The following PRDM5 variants were observed in gnomAD, a reference collection of about 807,000 sequenced individuals.
PRDM5 encodes the protein PR/SET domain 5, also known as PR domain zinc finger protein 5.
Under a neutral mutation model 81.2 loss-of-function variants are expected in PRDM5, and 56 were observed. The ratio of observed to expected loss-of-function variants is 0.69; its 90% confidence interval spans 0.56 to 0.86. The LOEUF (loss-of-function observed/expected upper bound fraction) is 0.86, where lower values mean the gene tolerates loss of function less well. PRDM5 is among the 40% of genes least tolerant of loss of function. The pLI, the probability that PRDM5 is intolerant of heterozygous loss-of-function variation, is 0.00. For synonymous variants in PRDM5, 267 were observed against 256.4 expected (o/e 1.04, Z -0.39); for missense variants, 697 against 770.1 (o/e 0.91, Z 1.12).
At chr4:120,797,684 T>C (rs998060965) in intron 10 of PRDM5, among the ~76,000 whole-genome samples, 10 of 152,188 alleles carry the variant, frequency 6.6e-5, no homozygotes, top group African/African-American at 2.4e-4. Flanking sequence ...GAATTCATTA[T>C]GTCGAAAAGA....
In PRDM5 at chr4:120,853,461, T is replaced by G. The variant is rs749189168; in HGVS notation, c.257A>C (p.His86Pro). 6 of 1,613,752 alleles carry G rather than the reference T, an allele frequency of 3.7e-6. No homozygotes were observed. The highest frequency in any genetic ancestry group is 2.2e-5 in the East Asian group (1 of 44,860). Residue 86 changes from histidine to proline, a missense_variant, in exon 3 of 16, where the codon CAT becomes CCT. By Grantham distance (77) the His-to-Pro change is moderately conservative. Transcript: ENST00000264808. ...PRHSNWLRFV[H>P]EAPSQEQKNL... is the part of the protein sequence containing the mutation. ...CTTCTGCTCCTGAGATGGTGCCTCATGAACGAAGCGAAGCCAGTTGGAGTG... is the reference window on the plus strand; with the variant it reads ...CTTCTGCTCCTGAGATGGTGCCTCAGGAACGAAGCGAAGCCAGTTGGAGTG...
At chr4:120,726,834 G>A (rs1392540682) in intron 14 of PRDM5, among the ~76,000 whole-genome samples, 4 of 152,170 alleles carry the variant, frequency 2.6e-5, no homozygotes, top group Non-Finnish European at 5.9e-5. Context: ...AGTATTGCAA[G>A]AAAAGGAACA....
intron 2 of PRDM5, among the ~76,000 whole-genome samples, chr4:120,899,541 G>A (rs1765017454): frequency 6.6e-6 from 1 of 152,106 alleles, no homozygotes; most frequent in South Asian, 2.1e-4. Flanking sequence ...ATGCTGTAGG[G>A]ATAGGAAAAC....
At chr4:120,803,822 CA>C (rs1375050910) in intron 8 of PRDM5, among the ~76,000 whole-genome samples, 1 of 152,184 alleles carries the variant, frequency 6.6e-6, no homozygotes, top group Non-Finnish European at 1.5e-5. Context: ...AAGCTAACAT[CA>C]TAATGATAGG....
chr4:120,715,797 G>C (rs1024905125), intron 14 of PRDM5, among the ~76,000 whole-genome samples: 3 of 152,198 alleles, frequency 2.0e-5, no homozygotes, highest in African/African-American at 7.2e-5. Context: ...TGACAGGTGA[G>C]GGTTTTGCAG....
chr4:120,690,946 T>C (rs1240372764), downstream of PRDM5, among the ~76,000 whole-genome samples: 1 of 152,140 alleles, frequency 6.6e-6, no homozygotes, highest in Non-Finnish European at 1.5e-5. Flanking sequence ...TAAGGTGGCA[T>C]GGGTTCAAGG....
chr4:120,863,475 T>C (rs1324822797), intron 2 of PRDM5, among the ~76,000 whole-genome samples: 2 of 152,116 alleles, frequency 1.3e-5, no homozygotes, highest in African/African-American at 4.8e-5. Context: ...GTGAACTTAG[T>C]TCCATGTGCT....
chr4:120,780,476 T>G (rs1028660852), intron 12 of PRDM5, among the ~76,000 whole-genome samples: 4 of 152,126 alleles, frequency 2.6e-5, no homozygotes, highest in African/African-American at 9.7e-5. Context: ...ATTAAAACCT[T>G]TAAGTGTATT....
intron 14 of PRDM5, among the ~76,000 whole-genome samples, chr4:120,734,724 T>C (rs1411786599): frequency 6.6e-6 from 1 of 152,052 alleles, no homozygotes; most frequent in Non-Finnish European, 1.5e-5. Context: ...GCTTAGCCAC[T>C]TTTTTTTCCA....
intron 14 of PRDM5, among the ~76,000 whole-genome samples, chr4:120,750,707 C>T (rs1743861496): frequency 6.7e-6 from 1 of 149,572 alleles, no homozygotes; most frequent in South Asian, 2.1e-4. Flanking sequence ...CACACACACA[C>T]ACACACACAC....
intron 2 of PRDM5, among the ~76,000 whole-genome samples, chr4:120,883,136 T>G (rs554757248): frequency 2.0e-4 from 30 of 152,314 alleles, no homozygotes; most frequent in African/African-American, 7.0e-4. Context: ...CATGAAAAGT[T>G]TAAATGCAAG....
At position 120,853,530 on chromosome 4, in the gene PRDM5, C is replaced by T; in HGVS notation, c.188G>A (p.Ser63Asn). Residue 63 changes from serine (S) to asparagine (N), a missense_variant, in exon 3 of 16, where the codon AGT becomes AAT. Physicochemically the swap from Ser to Asn is conservative, Grantham distance 46. Around this residue, in one of 3 missense-constraint regions of PRDM5, gnomAD observed 577 missense variants for 606.7 expected, o/e 0.95. Coordinates refer to ENST00000264808, the MANE Select transcript of PRDM5 (RefSeq NM_018699.4). ...CAAAATGTACAAAACTTCTCCCTTA[C>T]TCCCACGAACCTGAAACATTAAAGG... ...DYRLMWEVRG[S>N]KGEVLYILDA... is the part of the protein sequence containing the mutation. The T allele has an allele frequency of 1.2e-6, 2 of 1,613,642 alleles. No homozygotes were observed. The highest frequency in any genetic ancestry group is 1.7e-6 in the Non-Finnish European group (2 of 1,179,664).
chr4:120,894,248 G>T (rs557288689), intron 2 of PRDM5, among the ~76,000 whole-genome samples: 2 of 151,958 alleles, frequency 1.3e-5, no homozygotes, highest in African/African-American at 4.8e-5. Context: ...CTAGAAACCC[G>T]CAATGCTTTA....
At chr4:120,710,194 T>A in intron 15 of PRDM5, 115 bp downstream of exon 15, 1 of 879,772 alleles carries the variant, frequency 1.1e-6, no homozygotes, top group Non-Finnish European at 1.9e-6. Flanking sequence ...CATAGGCACA[T>A]TCCAGCAATG....
intron 14 of PRDM5, among the ~76,000 whole-genome samples, chr4:120,720,455 G>C (rs796261893): frequency 2.6e-5 from 4 of 152,292 alleles, no homozygotes; most frequent in African/African-American, 9.6e-5. Flanking sequence ...AGAATCGTGG[G>C]TGAAATTTAG....
chr4:120,867,061 A>G (rs527816713), intron 2 of PRDM5, among the ~76,000 whole-genome samples: 2 of 152,294 alleles, frequency 1.3e-5, no homozygotes, highest in South Asian at 4.2e-4. Context: ...GTCTCTAGCC[A>G]AAAGCCAGCA....
At chr4:120,880,941 A>C (rs1488315253) in intron 2 of PRDM5, among the ~76,000 whole-genome samples, 1 of 152,112 alleles carries the variant, frequency 6.6e-6, no homozygotes, top group Admixed American at 6.5e-5. Context: ...AATATTGTAT[A>C]AATTGAAAAA....
intron 2 of PRDM5, among the ~76,000 whole-genome samples, chr4:120,899,913 G>T (rs1401751026): frequency 6.6e-6 from 1 of 152,118 alleles, no homozygotes; most frequent in African/African-American, 2.4e-5. Flanking sequence ...GTATTCAGGA[G>T]AACACTTCAC....
chr4:120,767,861 G>A (rs560615385), intron 13 of PRDM5, among the ~76,000 whole-genome samples: 5 of 152,280 alleles, frequency 3.3e-5, no homozygotes, highest in African/African-American at 9.6e-5. Context: ...TAGTGAGCGA[G>A]TGTCACAAAA....
Sources: allele counts gnomAD v4.1 joint callset (sites outside exome capture counted in the v4.1 genomes callset), GRCh38; gene constraint gnomAD v4.1.1; regional missense constraint gnomAD v4.1.1; transcripts MANE v1.5; gene names NCBI Gene and HGNC (gene_info 2026-07-23, HGNC 2026-07-21).